The following CREBRF variants were observed in gnomAD, a reference collection of about 807,000 sequenced individuals.
CREBRF encodes the protein UPF0474 protein C5orf41.
A neutral mutation model predicts 66.1 loss-of-function variants in CREBRF; 5 were observed. The observed-to-expected ratio is 0.08, with a 90% CI of 0.04 to 0.16. CREBRF has a LOEUF of 0.16. Among genes scored for constraint, CREBRF ranks in the 10% least tolerant of loss-of-function variants. CREBRF has a pLI of 1.00. For missense variants in CREBRF, 531 were observed against 744.9 expected, an observed-to-expected ratio of 0.71 and a Z score of 3.34; for synonymous variants, 229 against 264.4, an observed-to-expected ratio of 0.87 and a Z score of 1.30.
Position 173,134,937 on chromosome 5 carries a change from G to T in CREBRF, c.*1192G>T, listed in dbSNP as rs1392893294. The T allele has an allele frequency of 6.6e-6, 1 of 152,314 alleles. No individual in the cohort carries two copies. The highest frequency in any genetic ancestry group is 1.9e-4 in the East Asian group (1 of 5,198). 9.4% of individuals were successfully genotyped at this position (152,314 alleles called of 1,614,324 possible). A position where few individuals can be genotyped will look rare whatever the true frequency, so the allele number is the denominator to read the frequency against. On this transcript the variant is annotated 3_prime_UTR_variant, in exon 9 of 9. Coordinates refer to ENST00000296953, the MANE Select transcript of CREBRF (RefSeq NM_153607.3). Reference sequence around the variant, plus strand: ...GATGTCTTTTATTTCTGCACTTATTGTAGGAAATTTTAATATATTTCATTT... The same window carrying T: ...GATGTCTTTTATTTCTGCACTTATTTTAGGAAATTTTAATATATTTCATTT...
chr5:173,074,301 CAAAA>C (rs34804335), intron 1 of CREBRF, among the ~76,000 whole-genome samples: 2 of 126,402 alleles, frequency 1.6e-5, no homozygotes, highest in Non-Finnish European at 1.6e-5. Flanking sequence ...AAGTCTGTCT[CAAAA>C]AAAAAAAAAA....
At chr5:173,092,194 A>G (rs572221189) in intron 4 of CREBRF, 4 of 957,158 alleles carry the variant, frequency 4.2e-6, no homozygotes, top group Non-Finnish European at 5.0e-6. Context: ...ATGATGGTTT[A>G]TATTACTCAT....
At chr5:173,058,452 AAAAG>A (rs1176259596) in intron 1 of CREBRF, among the ~76,000 whole-genome samples, 1 of 152,198 alleles carries the variant, frequency 6.6e-6, no homozygotes, top group Non-Finnish European at 1.5e-5. Flanking sequence ...TAGTTGGAGA[AAAAG>A]AATAATTGGT....
intron 4 of CREBRF, among the ~76,000 whole-genome samples, chr5:173,104,780 G>C (rs1309832120): frequency 6.6e-6 from 1 of 151,886 alleles, no homozygotes; most frequent in Admixed American, 6.6e-5. Context: ...TGAATTTATG[G>C]TGTATGCTAT....
chr5:173,123,514 G>A (rs1157869071), intron 8 of CREBRF: 1 of 259,996 alleles, frequency 3.8e-6, no homozygotes, highest in Non-Finnish European at 7.3e-6. Flanking sequence ...TTGCACTTTA[G>A]TGTAGAGATT....
chr5:173,113,460 A>G (rs1007637850), intron 7 of CREBRF, among the ~76,000 whole-genome samples: 1 of 152,042 alleles, frequency 6.6e-6, no homozygotes, highest in Admixed American at 6.5e-5. Flanking sequence ...AGGCCCACGC[A>G]CCACACCTTG....
At position 173,090,203 on chromosome 5, in the gene CREBRF, T is replaced by C; in HGVS notation, c.136-112T>C. ...ATGATAAAGCGTCCTGTCAGTAGCC[T>C]TTATGTTAAAACAGACCAAAAGTCA... On this transcript the variant is annotated intron_variant, in intron 3 of 8. Coordinates refer to ENST00000296953, the MANE Select transcript of CREBRF (RefSeq NM_153607.3). The surrounding 1 kb of genome is among the most constrained non-coding windows in gnomAD (Gnocchi z 4.5). The C allele has an allele frequency of 1.3e-6, 1 of 768,808 alleles. No homozygotes were observed. Among genetic ancestry groups the C allele is most frequent in the Non-Finnish European group, 2.0e-6 (1 of 493,680 alleles). The allele number at this position is 768,808 out of a possible 1,614,324, so 47.6% of individuals were successfully genotyped here.
At chr5:173,095,847 A>G (rs1487725473) in intron 4 of CREBRF, among the ~76,000 whole-genome samples, 1 of 147,488 alleles carries the variant, frequency 6.8e-6, no homozygotes, top group Non-Finnish European at 1.5e-5. Flanking sequence ...TGTAAATGGG[A>G]TTTTTTTCTA....
chr5:173,100,118 G>GTGTGTGTGTGTATATATA (rs70984939), intron 4 of CREBRF, among the ~76,000 whole-genome samples: 2 of 88,332 alleles, frequency 2.3e-5, no homozygotes, highest in Non-Finnish European at 4.3e-5. Flanking sequence ...GTGTGTGTGT[G>GTGTGTGTGTGTATATATA]TATATATATA....
intron 8 of CREBRF, among the ~76,000 whole-genome samples, chr5:173,132,650 G>A (rs1465346863): frequency 1.5e-5 from 2 of 131,816 alleles, no homozygotes; most frequent in Admixed American, 7.8e-5. Context: ...CCCAGGCTGG[G>A]GTGCAGTGGC....
chr5:173,123,322 C>G, intron 8 of CREBRF, 120 bp downstream of exon 8: 1 of 899,540 alleles, frequency 1.1e-6, no homozygotes, highest in Non-Finnish European at 1.6e-6. Flanking sequence ...ATTGTAATTA[C>G]TCTCCTTTAT....
In CREBRF at chr5:173,100,279, ATTATT is replaced by A. The variant is rs537520250; in HGVS notation, c.1223-8340_1223-8336del. On this transcript the variant is annotated intron_variant, in intron 4 of 8. Coordinates refer to ENST00000296953, the MANE Select transcript of CREBRF (RefSeq NM_153607.3). ...GTGTGAGTCACCATGCACAGCCAAA[ATTATT>A]TTATATATAGTTATTTTTAATGCCT... is the stretch of plus-strand genomic sequence containing the variant. 3.4e-3 allele frequency among the ~76,000 whole-genome samples: 509 copies of A among 150,884 alleles called. 4 individuals carry two copies. Among genetic ancestry groups the A allele is most frequent in the African/African-American group, 0.012 (476 of 41,076 alleles).
intron 8 of CREBRF, among the ~76,000 whole-genome samples, chr5:173,133,314 G>T (rs1759517492): frequency 6.6e-6 from 1 of 152,226 alleles, no homozygotes; most frequent in Non-Finnish European, 1.5e-5. Flanking sequence ...GTGGGAAGCA[G>T]TGCCTGTCGG....
In CREBRF at chr5:173,087,473, G is replaced by A. The variant is rs559951895; in HGVS notation, c.135+847G>A. ...AGCACTTTGGGAGGCCAAGGCGGGC[G>A]GATCATGAGGTCAGGAGATTGAGAC... On this transcript the variant is annotated intron_variant, in intron 3 of 8. Coordinates refer to ENST00000296953, the MANE Select transcript of CREBRF (RefSeq NM_153607.3). 2.4e-3 allele frequency among the ~76,000 whole-genome samples: 361 copies of A among 152,014 alleles called. 2 individuals carry two copies. The highest frequency in any genetic ancestry group is 1.1e-3 in the Non-Finnish European group (75 of 67,968).
At position 173,117,394 on chromosome 5, in the gene CREBRF, A is replaced by AATAAG. The variant is rs1554126323; in HGVS notation, c.1681+5015_1681+5016insATAAG. Among the ~76,000 whole-genome samples the AATAAG allele has an allele frequency of 1.4e-3, 207 of 145,986 alleles. 2 individuals carry two copies. The highest frequency in any genetic ancestry group is 4.8e-3 in the African/African-American group (192 of 40,182). ...AACTCTGTCTCAAAAAAAAAAAAAA[A>AATAAG]TAAGTAAGTAAATAAATAAACGTTC... On this transcript the variant is annotated intron_variant, in intron 7 of 8. Transcript: ENST00000296953.
intron 7 of CREBRF, among the ~76,000 whole-genome samples, chr5:173,115,831 T>C (rs111539867): frequency 0.03 from 4,523 of 151,586 alleles, 213 homozygotes; most frequent in African/African-American, 0.1. Context: ...AGGATGGTCT[T>C]GATCTCCTGA....
chr5:173,088,042 C>G (rs1056718898), intron 3 of CREBRF, among the ~76,000 whole-genome samples: 1 of 151,534 alleles, frequency 6.6e-6, no homozygotes, highest in African/African-American at 2.4e-5. Flanking sequence ...TCAGGCTGGT[C>G]TCGAACTCCT....
At chr5:173,128,535 C>T (rs1307448000) in intron 8 of CREBRF, among the ~76,000 whole-genome samples, 2 of 151,538 alleles carry the variant, frequency 1.3e-5, no homozygotes, top group East Asian at 3.9e-4. Context: ...AGTTTCATCT[C>T]ATATTTTCTG....
At chr5:173,125,393 C>A (rs771274064) in intron 8 of CREBRF, among the ~76,000 whole-genome samples, 21 of 152,146 alleles carry the variant, frequency 1.4e-4, no homozygotes, top group South Asian at 8.3e-4. Context: ...ATGTATCGTG[C>A]CATTTTCTTT....
Sources: allele counts gnomAD v4.1 joint callset (sites outside exome capture counted in the v4.1 genomes callset), GRCh38; gene constraint gnomAD v4.1.1; non-coding constraint Gnocchi (gnomAD v3.1); transcripts MANE v1.5; gene names NCBI Gene and HGNC (gene_info 2026-07-23, HGNC 2026-07-21).